Variants in LRMDA observed in about 807,000 individuals in gnomAD.
LRMDA encodes leucine-rich melanocyte differentiation-associated protein.
LRMDA carries 18 observed loss-of-function variants against 29.8 expected under a neutral mutation model. The ratio of observed to expected loss-of-function variants is 0.60; its 90% confidence interval spans 0.42 to 0.90. The LOEUF is 0.90. LRMDA is among the 40% of genes least tolerant of loss of function. The probability of loss-of-function intolerance (pLI) is 0.00; values close to 1 mark genes in which losing one functional copy is unlikely to be tolerated. For synonymous variants in LRMDA, 125 were observed against 109.4 expected (o/e 1.14, Z -0.89); for missense variants, 273 against 273.9 (o/e 1.00, Z 0.02).
chr10:75,546,852 T>C (rs1159802139), intron 2 of LRMDA, among the ~76,000 whole-genome samples: 1 of 152,204 alleles, frequency 6.6e-6, no homozygotes, highest in Non-Finnish European at 1.5e-5. Flanking sequence ...TAAATCTATG[T>C]AAATCTATGT....
chr10:76,368,401 G>A (rs1425245385), intron 6 of LRMDA, among the ~76,000 whole-genome samples: 2 of 152,082 alleles, frequency 1.3e-5, no homozygotes, highest in African/African-American at 2.4e-5. Flanking sequence ...CCATGTATTT[G>A]CATGGTTTTG....
intron 2 of LRMDA, among the ~76,000 whole-genome samples, chr10:75,478,104 C>G (rs1038785898): frequency 6.6e-6 from 1 of 152,284 alleles, no homozygotes; most frequent in Admixed American, 6.5e-5. Flanking sequence ...GACCACAGGC[C>G]TGGGAGGAGG....
chr10:76,157,736 G>T (rs1320954690), intron 5 of LRMDA, among the ~76,000 whole-genome samples: 1 of 151,958 alleles, frequency 6.6e-6, no homozygotes, highest in Non-Finnish European at 1.5e-5. Context: ...GTGTATGTGT[G>T]TATAGGCATG....
chr10:76,212,927 G>T (rs1024734513), intron 5 of LRMDA, among the ~76,000 whole-genome samples: 1 of 152,166 alleles, frequency 6.6e-6, no homozygotes, highest in African/African-American at 2.4e-5. Flanking sequence ...TCCCTTTTGT[G>T]CACCATTGCT....
intron 5 of LRMDA, among the ~76,000 whole-genome samples, chr10:76,194,400 T>G (rs865949221): frequency 2.2e-4 from 33 of 152,156 alleles, no homozygotes; most frequent in African/African-American, 8.0e-4. Flanking sequence ...ATGCCTGGGC[T>G]CTAACACTGT....
intron 2 of LRMDA, among the ~76,000 whole-genome samples, chr10:75,803,053 T>C (rs1002612154): frequency 6.6e-6 from 1 of 151,870 alleles, no homozygotes; most frequent in Non-Finnish European, 1.5e-5. Flanking sequence ...CTATCATTTA[T>C]TGAGGACTAA....
chr10:76,324,364 G>A, intron 5 of LRMDA, 37 bp from the exon 6 acceptor site: 1 of 1,571,700 alleles, frequency 6.4e-7, no homozygotes, highest in Non-Finnish European at 8.8e-7. Flanking sequence ...TTTGGTGTTT[G>A]GTGTTGCTTC....
intron 2 of LRMDA, among the ~76,000 whole-genome samples, chr10:75,632,782 G>GTTTTTTTTTTTTTTTTT: frequency 2.3e-5 from 1 of 43,256 alleles, no homozygotes; most frequent in Non-Finnish European, 4.6e-5. Flanking sequence ...GTTTAGTTTA[G>GTTTTTTTTTTTTTTTTT]TTTTTTTTTT....
intron 5 of LRMDA, among the ~76,000 whole-genome samples, chr10:76,195,769 G>C (rs775115116): frequency 1.3e-5 from 2 of 152,032 alleles, no homozygotes; most frequent in African/African-American, 2.4e-5. Context: ...AACAAAATAG[G>C]GTCTAAAAAG....
chr10:76,543,348 G>A (rs908663831), intron 6 of LRMDA, among the ~76,000 whole-genome samples: 1 of 110,292 alleles, frequency 9.1e-6, no homozygotes, highest in African/African-American at 3.8e-5. Context: ...GTGTGTGTGT[G>A]TGTGTGTGTG....
intron 2 of LRMDA, among the ~76,000 whole-genome samples, chr10:75,516,016 C>G (rs556278615): frequency 6.6e-6 from 1 of 152,280 alleles, no homozygotes; most frequent in African/African-American, 2.4e-5. Flanking sequence ...CATCCATGTC[C>G]CTGCAAAAGA....
chr10:76,520,964 T>TACATAAAAA (rs1843112449), intron 6 of LRMDA, among the ~76,000 whole-genome samples: 1 of 152,166 alleles, frequency 6.6e-6, no homozygotes, highest in African/African-American at 2.4e-5. Context: ...TGATAAAAAA[T>TACATAAAAA]AGAGACATAT....
chr10:75,589,765 A>AAT (rs111822600), intron 2 of LRMDA, among the ~76,000 whole-genome samples: 2,742 of 144,832 alleles, frequency 0.019, 78 homozygotes, highest in African/African-American at 0.067. Flanking sequence ...GTCTAAAAAA[A>AAT]ATATATATAT....
intron 2 of LRMDA, among the ~76,000 whole-genome samples, chr10:75,647,972 G>C (rs1441980939): frequency 1.3e-5 from 2 of 148,748 alleles, no homozygotes; most frequent in Admixed American, 1.3e-4. Flanking sequence ...GAAAGGAATG[G>C]TTTCCACCCT....
intron 2 of LRMDA, among the ~76,000 whole-genome samples, chr10:75,853,115 C>A (rs1388035401): frequency 6.4e-4 from 98 of 152,248 alleles, no homozygotes; most frequent in Non-Finnish European, 8.8e-5. Context: ...TACTGGGTCC[C>A]TCCCACGACA....
At chr10:76,366,920 A>T (rs1414173037) in intron 6 of LRMDA, among the ~76,000 whole-genome samples, 1 of 152,160 alleles carries the variant, frequency 6.6e-6, no homozygotes, top group Non-Finnish European at 1.5e-5. Context: ...ACATTAAGGT[A>T]TGTCTCTTGT....
intron 5 of LRMDA, among the ~76,000 whole-genome samples, chr10:76,265,025 G>A (rs1197265091): frequency 6.6e-6 from 1 of 152,160 alleles, no homozygotes; most frequent in Non-Finnish European, 1.5e-5. Context: ...TAATTCCAGT[G>A]ACAGTTATCC....
chr10:76,261,501 C>T (rs1564703756), intron 5 of LRMDA, among the ~76,000 whole-genome samples: 1 of 151,976 alleles, frequency 6.6e-6, no homozygotes, highest in Non-Finnish European at 1.5e-5. Context: ...AAAATGACAC[C>T]CTAGTTGTTA....
intron 2 of LRMDA, among the ~76,000 whole-genome samples, chr10:75,710,003 T>C (rs1842417109): frequency 6.6e-6 from 1 of 152,184 alleles, no homozygotes; most frequent in Non-Finnish European, 1.5e-5. Flanking sequence ...TTTGTATCCC[T>C]GGTAAAAAAG....
Sources: allele counts gnomAD v4.1 joint callset (sites outside exome capture counted in the v4.1 genomes callset), GRCh38; gene constraint gnomAD v4.1.1; transcripts MANE v1.5; gene names NCBI Gene and HGNC (gene_info 2026-07-23, HGNC 2026-07-21).